The following CTNNA3 variants were observed in gnomAD, a reference collection of about 807,000 sequenced individuals.
CTNNA3 encodes the protein catenin alpha 3, also known as catenin alpha-3.
In CTNNA3, 76 loss-of-function variants were observed where a neutral mutation model predicts 95.7. The observed-to-expected ratio is 0.79, with a 90% CI of 0.66 to 0.96. The LOEUF is 0.96. CTNNA3 is among the 40% of genes least tolerant of loss of function. The pLI is 0.00. For missense variants in CTNNA3, 1,191 were observed against 1,089.8 expected (o/e 1.09, Z -1.31); for synonymous variants, 431 against 374.4 (o/e 1.15, Z -1.74).
chr10:66,778,126 G>T (rs943450895), intron 7 of CTNNA3, among the ~76,000 whole-genome samples: 1 of 152,032 alleles, frequency 6.6e-6, no homozygotes, highest in Non-Finnish European at 1.5e-5. Context: ...AAGTTTAAAG[G>T]TCTCCCTTCT....
intron 13 of CTNNA3, among the ~76,000 whole-genome samples, chr10:66,257,967 A>T (rs2090855197): frequency 6.6e-6 from 1 of 152,184 alleles, no homozygotes; most frequent in Admixed American, 6.5e-5. Context: ...TCAGATAGCC[A>T]ATTTTTGTTT....
intron 5 of CTNNA3, among the ~76,000 whole-genome samples, chr10:67,339,716 T>C (rs1286328502): frequency 1.3e-5 from 2 of 152,216 alleles, no homozygotes; most frequent in African/African-American, 4.8e-5. Context: ...AATACTCTTA[T>C]GTTGAAATAG....
At chr10:66,789,215 C>T (rs1336502804) in intron 7 of CTNNA3, among the ~76,000 whole-genome samples, 2 of 152,020 alleles carry the variant, frequency 1.3e-5, no homozygotes, top group Non-Finnish European at 2.9e-5. Flanking sequence ...TCACTCTTCT[C>T]GCTGAGGCTG....
chr10:66,676,984 G>A (rs1025599560), intron 9 of CTNNA3, among the ~76,000 whole-genome samples: 25 of 152,086 alleles, frequency 1.6e-4, no homozygotes, highest in African/African-American at 6.0e-4. Flanking sequence ...GCCACATTCT[G>A]GTGGTACTGA....
intron 7 of CTNNA3, among the ~76,000 whole-genome samples, chr10:66,811,338 A>C (rs181495790): frequency 6.6e-6 from 1 of 152,306 alleles, no homozygotes; most frequent in East Asian, 1.9e-4. Flanking sequence ...AAAAGAGAAC[A>C]ATTGTCTTCA....
At chr10:67,275,393 T>C (rs892132912) in intron 5 of CTNNA3, among the ~76,000 whole-genome samples, 1 of 152,108 alleles carries the variant, frequency 6.6e-6, no homozygotes, top group Non-Finnish European at 1.5e-5. Flanking sequence ...TTATGTAAAT[T>C]AGATAATAGA....
At chr10:67,621,528 T>A (rs1267708901) in intron 2 of CTNNA3, among the ~76,000 whole-genome samples, 1 of 151,904 alleles carries the variant, frequency 6.6e-6, no homozygotes, top group Non-Finnish European at 1.5e-5. Flanking sequence ...GGCAGACGGA[T>A]CACGAGGTCA....
chr10:66,491,450 T>C (rs759350305), intron 11 of CTNNA3, among the ~76,000 whole-genome samples: 3 of 152,208 alleles, frequency 2.0e-5, no homozygotes, highest in Non-Finnish European at 4.4e-5. Context: ...TATGAACTTT[T>C]AACATATTTA....
intron 14 of CTNNA3, among the ~76,000 whole-genome samples, chr10:66,078,610 T>A (rs1197516021): frequency 6.6e-6 from 1 of 151,922 alleles, no homozygotes; most frequent in Non-Finnish European, 1.5e-5. Flanking sequence ...GAAATGCCCA[T>A]TACAAAAATA....
chr10:66,130,853 T>C (rs1176684109), intron 13 of CTNNA3, among the ~76,000 whole-genome samples: 1 of 137,054 alleles, frequency 7.3e-6, no homozygotes, highest in Non-Finnish European at 1.5e-5. Flanking sequence ...AGACTCCGTC[T>C]CAAAAACAAA....
At chr10:67,019,754 T>C (rs1852877778) in intron 7 of CTNNA3, among the ~76,000 whole-genome samples, 1 of 152,148 alleles carries the variant, frequency 6.6e-6, no homozygotes, top group Admixed American at 6.5e-5. Flanking sequence ...TTTGTCTCCA[T>C]GAATACCATC....
intron 7 of CTNNA3, among the ~76,000 whole-genome samples, chr10:66,808,240 T>C (rs1205653230): frequency 6.6e-6 from 1 of 152,134 alleles, no homozygotes; most frequent in Non-Finnish European, 1.5e-5. Flanking sequence ...AAGATGTATA[T>C]TACCTACAAT....
chr10:67,034,323 C>A (rs970397769), intron 7 of CTNNA3, among the ~76,000 whole-genome samples: 1 of 152,172 alleles, frequency 6.6e-6, no homozygotes, highest in African/African-American at 2.4e-5. Context: ...AAGCACAAAT[C>A]AAGTGCCTTT....
chr10:66,548,425 GTTCTTTTTCTCA>G (rs1162159871), intron 10 of CTNNA3, among the ~76,000 whole-genome samples: 1 of 151,806 alleles, frequency 6.6e-6, no homozygotes, highest in Non-Finnish European at 1.5e-5. Flanking sequence ...TCCTCTTTCT[GTTCTTTTTCTCA>G]TATTTCATCC....
chr10:66,108,388 AC>A (rs1198146764), intron 13 of CTNNA3, among the ~76,000 whole-genome samples: 1 of 151,632 alleles, frequency 6.6e-6, no homozygotes, highest in African/African-American at 2.4e-5. Flanking sequence ...AGCACTTTCC[AC>A]TTAAGACTCT....
At chr10:66,043,752 C>A (rs758064193) in intron 15 of CTNNA3, among the ~76,000 whole-genome samples, 17 of 152,092 alleles carry the variant, frequency 1.1e-4, no homozygotes, top group Non-Finnish European at 2.1e-4. Context: ...GCCTCAGGTG[C>A]CCAGATACTA....
At chr10:67,117,377 C>T (rs1859236918) in intron 7 of CTNNA3, among the ~76,000 whole-genome samples, 1 of 152,000 alleles carries the variant, frequency 6.6e-6, no homozygotes, top group East Asian at 1.9e-4. Flanking sequence ...ATTCCATCTC[C>T]TTTCCCTTTC....
At chr10:66,434,588 C>G (rs1413240108) in intron 11 of CTNNA3, among the ~76,000 whole-genome samples, 1 of 152,130 alleles carries the variant, frequency 6.6e-6, no homozygotes, top group Non-Finnish European at 1.5e-5. Context: ...ATGTCATCTG[C>G]AAACAGAGAC....
At chr10:66,751,468 A>C (rs1839136370) in intron 9 of CTNNA3, among the ~76,000 whole-genome samples, 1 of 152,112 alleles carries the variant, frequency 6.6e-6, no homozygotes, top group African/African-American at 2.4e-5. Context: ...CTTTTTCCCA[A>C]CCTAGGACTT....
Sources: allele counts gnomAD v4.1 joint callset (sites outside exome capture counted in the v4.1 genomes callset), GRCh38; gene constraint gnomAD v4.1.1; transcripts MANE v1.5; gene names NCBI Gene and HGNC (gene_info 2026-07-23, HGNC 2026-07-21).